Variants in DENND1A observed in about 807,000 individuals in gnomAD.
DENND1A encodes the protein DENN domain-containing protein 1A.
DENND1A carries 51 observed loss-of-function variants against 113.7 expected under a neutral mutation model. That is an observed-to-expected ratio of 0.45 (90% confidence interval 0.36 to 0.57). DENND1A has a LOEUF of 0.57. Among genes scored for constraint, DENND1A ranks in the 20% least tolerant of loss-of-function variants. DENND1A has a pLI of 0.00. For synonymous variants in DENND1A, 565 were observed against 570.8 expected (o/e 0.99, Z 0.14); for missense variants, 1,258 against 1,395.9 (o/e 0.90, Z 1.57).
chr9:123,770,820 T>C (rs1829613489), intron 3 of DENND1A, among the ~76,000 whole-genome samples: 1 of 152,206 alleles, frequency 6.6e-6, no homozygotes. Context: ...TAATGAATTA[T>C]CAATGCTAAC....
intron 2 of DENND1A, among the ~76,000 whole-genome samples, chr9:123,852,536 T>C (rs780458179): frequency 2.0e-5 from 3 of 152,224 alleles, no homozygotes; most frequent in Non-Finnish European, 4.4e-5. Flanking sequence ...ATTAAGTCCT[T>C]CAAAGACTTG....
At chr9:123,623,563 A>G (rs968988411) in intron 10 of DENND1A, among the ~76,000 whole-genome samples, 3 of 152,220 alleles carry the variant, frequency 2.0e-5, no homozygotes, top group Non-Finnish European at 4.4e-5. Context: ...ACACAAAAAA[A>G]AATAATTTGA....
intron 8 of DENND1A, among the ~76,000 whole-genome samples, chr9:123,658,221 A>G (rs2139614557): frequency 6.6e-6 from 1 of 152,278 alleles, no homozygotes; most frequent in South Asian, 2.1e-4. Context: ...GATAATTAAG[A>G]CAGGTTTGTT....
At chr9:123,407,363 G>A (rs912300481) in intron 20 of DENND1A, among the ~76,000 whole-genome samples, 7 of 151,934 alleles carry the variant, frequency 4.6e-5, no homozygotes, top group Non-Finnish European at 1.0e-4. Context: ...GAGGCCTCCA[G>A]ACTTCCGTGT....
At chr9:123,509,134 T>C (rs542766908) in intron 13 of DENND1A, among the ~76,000 whole-genome samples, 8 of 152,300 alleles carry the variant, frequency 5.3e-5, no homozygotes, top group Admixed American at 5.2e-4. Context: ...ATGGCTCACA[T>C]GATCATCCTC....
intron 5 of DENND1A, among the ~76,000 whole-genome samples, chr9:123,741,075 A>G (rs919960797): frequency 6.6e-6 from 1 of 152,086 alleles, no homozygotes; most frequent in Non-Finnish European, 1.5e-5. Context: ...AAATTCTTGT[A>G]CCCTCTCAAG....
intron 13 of DENND1A, among the ~76,000 whole-genome samples, chr9:123,547,642 A>C (rs1385702641): frequency 1.3e-5 from 2 of 152,240 alleles, no homozygotes; most frequent in Non-Finnish European, 2.9e-5. Flanking sequence ...ATGAATAAAT[A>C]AATAAATAAA....
intron 2 of DENND1A, among the ~76,000 whole-genome samples, chr9:123,864,576 G>T (rs1459518966): frequency 6.6e-6 from 1 of 152,110 alleles, no homozygotes; most frequent in African/African-American, 2.4e-5. Context: ...ATGTGAGAGC[G>T]CCTTCCTTTA....
intron 13 of DENND1A, 124 bp downstream of exon 13, chr9:123,557,446 A>C: frequency 6.9e-7 from 1 of 1,439,344 alleles, no homozygotes; most frequent in Non-Finnish European, 9.4e-7. Context: ...CCCACCACAA[A>C]CACACACAAG....
intron 2 of DENND1A, among the ~76,000 whole-genome samples, chr9:123,813,505 C>G (rs1286134200): frequency 6.7e-6 from 1 of 148,162 alleles, no homozygotes; most frequent in East Asian, 1.9e-4. Context: ...CTGGCAAAGC[C>G]CTTCTCATCT....
intron 5 of DENND1A, among the ~76,000 whole-genome samples, chr9:123,699,683 TCTTTC>T (rs2065756796): frequency 8.0e-6 from 1 of 124,442 alleles, no homozygotes; most frequent in Admixed American, 7.4e-5. Context: ...TTTCATTCTT[TCTTTC>T]TTTTTTTTTT....
At chr9:123,461,827 G>A (rs930122720) in intron 13 of DENND1A, 1 of 151,874 alleles carries the variant, frequency 6.6e-6, no homozygotes, top group Non-Finnish European at 1.5e-5. Context: ...ATGTGACAAG[G>A]GGCTTTTTCT....
At chr9:123,872,462 G>A (rs1293667501) in intron 2 of DENND1A, among the ~76,000 whole-genome samples, 1 of 152,000 alleles carries the variant, frequency 6.6e-6, no homozygotes, top group East Asian at 1.9e-4. Context: ...AGAGAGTGAG[G>A]AAAACACATA....
intron 1 of DENND1A, among the ~76,000 whole-genome samples, chr9:123,921,459 A>G (rs1385631967): frequency 2.0e-5 from 3 of 152,200 alleles, no homozygotes; most frequent in Non-Finnish European, 4.4e-5. Flanking sequence ...GGAGTCAAAC[A>G]GTATCTTCTC....
intron 1 of DENND1A, among the ~76,000 whole-genome samples, chr9:123,893,108 T>TA (rs1310068077): frequency 2.7e-5 from 4 of 149,208 alleles, no homozygotes; most frequent in African/African-American, 7.7e-5. Flanking sequence ...TTATATGTTT[T>TA]TAAAAAAAAA....
At chr9:123,418,999 C>A (rs1177899549) in intron 19 of DENND1A, among the ~76,000 whole-genome samples, 2 of 152,254 alleles carry the variant, frequency 1.3e-5, no homozygotes, top group East Asian at 3.8e-4. Flanking sequence ...TATCCTTGTG[C>A]CGTCAGAATG....
At chr9:123,918,236 T>C (rs1429190172) in intron 1 of DENND1A, among the ~76,000 whole-genome samples, 11 of 148,898 alleles carry the variant, frequency 7.4e-5, no homozygotes, top group East Asian at 4.1e-4. Context: ...TGCCTGTAAT[T>C]CCAGCACTTT....
chr9:123,899,147 C>A (rs923762085), intron 1 of DENND1A, among the ~76,000 whole-genome samples: 1 of 152,186 alleles, frequency 6.6e-6, no homozygotes, highest in African/African-American at 2.4e-5. Context: ...TTCCTGGTGA[C>A]AAATGGCAGC....
chr9:123,777,039 A>G (rs771108471), intron 3 of DENND1A, among the ~76,000 whole-genome samples: 5 of 152,238 alleles, frequency 3.3e-5, no homozygotes, highest in Non-Finnish European at 4.4e-5. Context: ...TCACTTGGCT[A>G]TACTTGGACG....
Sources: gnomAD v4.1 joint callset for allele counts (sites outside exome capture counted in the v4.1 genomes callset) on GRCh38, gnomAD v4.1.1 for gene constraint, MANE v1.5 for transcripts, NCBI Gene and HGNC (gene_info 2026-07-23, HGNC 2026-07-21) for gene names.